PLCH1: variants seen among roughly 807,000 people sequenced by gnomAD.
PLCH1 encodes the protein phospholipase C eta 1.
PLCH1 carries 60 observed loss-of-function variants against 126.7 expected under a neutral mutation model. That is an observed-to-expected ratio of 0.47 (90% CI 0.38 to 0.59). The LOEUF (loss-of-function observed/expected upper bound fraction) is 0.59. Ranked by LOEUF, PLCH1 falls within the 20% of genes least tolerant of loss-of-function variation. The probability of loss-of-function intolerance (pLI) is 0.00; values close to 1 mark genes in which losing one functional copy is unlikely to be tolerated. For missense variants in PLCH1, 1,723 were observed against 2,040.0 expected, an observed-to-expected ratio of 0.84 and a Z score of 2.99; for synonymous variants, 719 against 734.9, an observed-to-expected ratio of 0.98 and a Z score of 0.35.
chr3:155,471,438 T>A (rs1430725285), intron 21 of PLCH1, among the ~76,000 whole-genome samples: 18 of 148,790 alleles, frequency 1.2e-4, no homozygotes, highest in African/African-American at 3.7e-4. Context: ...AAGTCCTGAG[T>A]GACCTACAAA....
chr3:155,734,748 G>A lies in PLCH1; in HGVS notation c.-41+10092C>T, dbSNP rs549283013. On this transcript the variant is annotated intron_variant, in intron 1 of 22. Coordinates refer to ENST00000460012, the MANE Select transcript of PLCH1 (RefSeq NM_014996.4). ...TTTTGAGACAGAGTCTCGCTCTGTCGCCCAGGCTGGAGTGCAGTGGTGCAA... is the reference window on the plus strand; with the variant it reads ...TTTTGAGACAGAGTCTCGCTCTGTCACCCAGGCTGGAGTGCAGTGGTGCAA... 9.3e-3 allele frequency among the ~76,000 whole-genome samples: 1,310 copies of A among 140,974 alleles called. 16 individuals carry two copies. Among genetic ancestry groups the A allele is most frequent in the African/African-American group, 0.032 (1,206 of 37,680 alleles). 92.5% of individuals were successfully genotyped at this position (140,974 alleles called of 152,430 possible).
intron 21 of PLCH1, among the ~76,000 whole-genome samples, chr3:155,467,114 A>G (rs777893727): frequency 3.0e-4 from 45 of 152,154 alleles, no homozygotes; most frequent in Non-Finnish European, 6.0e-4. Context: ...CTAAACCTAG[A>G]GAAATATATC....
chr3:155,486,513 G>GTTTTTTTT (rs397733786), intron 21 of PLCH1, among the ~76,000 whole-genome samples: 5 of 102,032 alleles, frequency 4.9e-5, no homozygotes, highest in Admixed American at 9.8e-5. Flanking sequence ...GCTCAAGTTT[G>GTTTTTTTT]TTTTTTTTTT....
intron 2 of PLCH1, among the ~76,000 whole-genome samples, chr3:155,599,883 A>G (rs1318928349): frequency 1.3e-5 from 2 of 152,182 alleles, no homozygotes; most frequent in Non-Finnish European, 2.9e-5. Context: ...TGCCATGGCT[A>G]TAACAGCTCA....
chr3:155,573,008 A>G (rs1254964735), intron 6 of PLCH1, among the ~76,000 whole-genome samples: 1 of 152,216 alleles, frequency 6.6e-6, no homozygotes, highest in East Asian at 1.9e-4. Flanking sequence ...TTGGCCTCCC[A>G]ATGTGCTGGA....
intron 2 of PLCH1, among the ~76,000 whole-genome samples, chr3:155,659,588 T>A (rs1261995597): frequency 6.6e-6 from 1 of 151,890 alleles, no homozygotes; most frequent in African/African-American, 2.4e-5. Context: ...CAACTCCACC[T>A]CCCAGGTTCA....
At position 155,594,147 on chromosome 3, in the gene PLCH1, C is replaced by A; in HGVS notation, c.264G>T (p.Arg88=). 1 of 1,613,772 alleles carries A rather than the reference C, an allele frequency of 6.2e-7. No individual in the cohort carries two copies. The highest frequency in any genetic ancestry group is 8.5e-7 in the Non-Finnish European group (1 of 1,179,704). The change falls in exon 4 of 23, where the codon CGG becomes CGT. Residue 88 remains arginine (R), a synonymous_variant. Transcript: ENST00000460012. ...CTTGTCTGTGGAATATTTCAGACTG[C>A]CGGCCCTCAGTCACTTTGTAAATGG... The part of the protein sequence containing the change: ...IDSIYKVTEG[R]QSEIFHRQAE...
chr3:155,643,150 T>C (rs1019899887), intron 2 of PLCH1, among the ~76,000 whole-genome samples: 1 of 152,162 alleles, frequency 6.6e-6, no homozygotes, highest in African/African-American at 2.4e-5. Flanking sequence ...GGTTTCACCA[T>C]GTTGGCCAGG....
In PLCH1 at chr3:155,667,194, C is replaced by T. The variant is rs139202796; in HGVS notation, c.79+36952G>A. ...AAAGCTCAGCCACTATTAGAACTTT[C>T]GCTTGTCTTTTGCTATAATTTTATT... On this transcript the variant is annotated intron_variant, in intron 2 of 22. Coordinates refer to ENST00000460012, the MANE Select transcript of PLCH1 (RefSeq NM_014996.4). 1.9e-4 allele frequency among the ~76,000 whole-genome samples: 29 copies of T among 152,244 alleles called. No homozygotes were observed. The East Asian group carries it at 3.1e-3, about 16-fold the overall frequency.
At chr3:155,537,580 G>C (rs1723610356) in intron 10 of PLCH1, among the ~76,000 whole-genome samples, 1 of 152,042 alleles carries the variant, frequency 6.6e-6, no homozygotes, top group South Asian at 2.1e-4. Context: ...GACAAAAAAA[G>C]TGGGCAGGAG....
At chr3:155,523,680 T>C (rs527380321) in intron 11 of PLCH1, among the ~76,000 whole-genome samples, 2 of 152,240 alleles carry the variant, frequency 1.3e-5, no homozygotes, top group African/African-American at 4.8e-5. Context: ...AATTAATCAC[T>C]AAAATTCCTT....
chr3:155,607,825 C>T (rs926786946), intron 2 of PLCH1, among the ~76,000 whole-genome samples: 1 of 152,060 alleles, frequency 6.6e-6, no homozygotes, highest in East Asian at 1.9e-4. Flanking sequence ...GATGCAGCTA[C>T]CATTTGGATG....
Position 155,534,157 on chromosome 3 carries a change from T to G in PLCH1, c.1363-10153A>C, listed in dbSNP as rs1479399207. On this transcript the variant is annotated intron_variant, in intron 10 of 22. Transcript: ENST00000460012. Reference sequence around the variant, plus strand: ...CCACTGACAGCTTGCACTGTGTGCCTGGAAAGGATGAAGACACTCAATGCC... The same window carrying G: ...CCACTGACAGCTTGCACTGTGTGCCGGGAAAGGATGAAGACACTCAATGCC... Among the ~76,000 whole-genome samples the G allele has an allele frequency of 2.0e-5, 3 of 152,222 alleles. No individual in the cohort carries two copies. In the South Asian group the frequency reaches 6.2e-4, roughly 32 times the overall value.
intron 10 of PLCH1, among the ~76,000 whole-genome samples, chr3:155,549,553 T>G (rs1725829308): frequency 6.6e-6 from 1 of 152,204 alleles, no homozygotes; most frequent in South Asian, 2.1e-4. Context: ...GCTTACAGTA[T>G]TGATGTTTCC....
chr3:155,520,549 C>T (rs1720947456), intron 11 of PLCH1, among the ~76,000 whole-genome samples: 1 of 152,168 alleles, frequency 6.6e-6, no homozygotes, highest in Admixed American at 6.5e-5. Context: ...AGATAAAAGA[C>T]ACTGCATAAC....
chr3:155,604,208 C>T lies in PLCH1; in HGVS notation c.80-7830G>A, dbSNP rs1024586396. On this transcript the variant is annotated intron_variant, in intron 2 of 22. Coordinates refer to ENST00000460012, the MANE Select transcript of PLCH1 (RefSeq NM_014996.4). ...ATTATAGTTTATTCATATAAAACTGCTCTTCACAGCAAATGGCTTCACTTA... is the reference window on the plus strand; with the variant it reads ...ATTATAGTTTATTCATATAAAACTGTTCTTCACAGCAAATGGCTTCACTTA... 2.0e-5 allele frequency among the ~76,000 whole-genome samples: 3 copies of T among 152,000 alleles called. No individual in the cohort carries two copies. In the East Asian group the frequency reaches 5.8e-4, roughly 29 times the overall value.
At chr3:155,621,145 C>T (rs1326167240) in intron 2 of PLCH1, among the ~76,000 whole-genome samples, 1 of 152,132 alleles carries the variant, frequency 6.6e-6, no homozygotes, top group Non-Finnish European at 1.5e-5. Flanking sequence ...CTCCAGCAAA[C>T]TCCAGCAGAC....
chr3:155,470,627 G>A (rs1713168730), intron 21 of PLCH1, among the ~76,000 whole-genome samples: 1 of 152,112 alleles, frequency 6.6e-6, no homozygotes, highest in Non-Finnish European at 1.5e-5. Context: ...ATAATTGTCA[G>A]ATTCACCAAA....
At chr3:155,479,880 G>T (rs891424606), downstream of PLCH1, 17 of 151,498 alleles carry the variant, frequency 1.1e-4, no homozygotes, top group African/African-American at 3.9e-4. Flanking sequence ...AGTTCACCAA[G>T]TGTTTAAAAA....
Sources: gnomAD v4.1 joint callset for allele counts (sites outside exome capture counted in the v4.1 genomes callset) on GRCh38, gnomAD v4.1.1 for gene constraint, MANE v1.5 for transcripts, NCBI Gene and HGNC (gene_info 2026-07-23, HGNC 2026-07-21) for gene names.